POLR3B: variants seen among roughly 807,000 people sequenced by gnomAD.
POLR3B encodes RNA polymerase III subunit B, also known as DNA-directed RNA polymerase III subunit RPC2.
Under a neutral mutation model 147.4 loss-of-function variants are expected in POLR3B, and 96 were observed. The observed-to-expected ratio is 0.65, with a 90% CI of 0.55 to 0.77. The LOEUF is 0.77. Among genes scored for constraint, POLR3B ranks in the 30% least tolerant of loss-of-function variants. The pLI is 0.00. For synonymous variants in POLR3B, 461 were observed against 485.9 expected (o/e 0.95, Z 0.67); for missense variants, 1,036 against 1,413.5 (o/e 0.73, Z 4.28).
intron 19 of POLR3B, among the ~76,000 whole-genome samples, chr12:106,446,699 G>A (rs991586816): frequency 5.3e-5 from 8 of 152,084 alleles, no homozygotes; most frequent in South Asian, 4.1e-4. Context: ...ATCCTCTGAC[G>A]TTACTGCTGA....
chr12:106,481,024 T>C (rs1414138780), intron 23 of POLR3B, among the ~76,000 whole-genome samples: 2 of 152,164 alleles, frequency 1.3e-5, no homozygotes, highest in African/African-American at 4.8e-5. Context: ...GGGTGAGCCC[T>C]CTCTGGCTGA....
In POLR3B at chr12:106,369,620, C is replaced by T. The variant is rs773657828; in HGVS notation, c.341C>T (p.Thr114Ile). Reference protein sequence around the residue: ...LRDMTYSAPITVDIEYTRGSQ... With the variant: ...LRDMTYSAPIIVDIEYTRGSQ... ...GACATGACATACTCTGCCCCTATTA[C>T]AGTGGATATTGAATATACCCGAGGC... The change falls in exon 6 of 28, where the codon ACA (threonine) becomes ATA (isoleucine). Residue 114 changes from threonine to isoleucine, a missense_variant. Transcript: ENST00000228347. 6.2e-7 allele frequency: 1 copy of T among 1,612,884 alleles called. No individual in the cohort carries two copies. Among genetic ancestry groups the T allele is most frequent in the South Asian group, 1.1e-5 (1 of 91,068 alleles).
intron 7 of POLR3B, among the ~76,000 whole-genome samples, chr12:106,376,760 G>A (rs1416547115): frequency 2.6e-5 from 4 of 152,104 alleles, no homozygotes; most frequent in African/African-American, 7.2e-5. Context: ...TGGGACTACA[G>A]GCTTGTGCCA....
At chr12:106,443,901 T>C (rs556340867) in intron 18 of POLR3B, among the ~76,000 whole-genome samples, 2 of 152,086 alleles carry the variant, frequency 1.3e-5, no homozygotes, top group Non-Finnish European at 2.9e-5. Flanking sequence ...CTCAGCTCAC[T>C]GCAACCTCCG....
rs150685516 is a variant in POLR3B, at chr12:106,434,031, G to A, written c.1781+159G>A. 2.6e-5 allele frequency among the ~76,000 whole-genome samples: 4 copies of A among 152,238 alleles called. No individual in the cohort carries two copies. The East Asian group carries it at 7.7e-4, about 29-fold the overall frequency. On this transcript the variant is annotated intron_variant, in intron 16 of 27. Coordinates refer to ENST00000228347, the MANE Select transcript of POLR3B (RefSeq NM_018082.6). ...AACACTTCATGAATATGCATATTAG[G>A]TACCGAGGATTCAGATTAATGGGAG... is the stretch of plus-strand genomic sequence containing the variant.
intron 23 of POLR3B, among the ~76,000 whole-genome samples, chr12:106,470,345 A>ATTC (rs2038072897): frequency 6.6e-6 from 1 of 152,068 alleles, no homozygotes; most frequent in South Asian, 2.1e-4. Context: ...CTAGTTAGCC[A>ATTC]TTCATCTAAC....
At chr12:106,368,553 T>C (rs959399398) in intron 4 of POLR3B, among the ~76,000 whole-genome samples, 1 of 152,172 alleles carries the variant, frequency 6.6e-6, no homozygotes, top group African/African-American at 2.4e-5. Context: ...AATTTTTCAA[T>C]CCTAGACTAT....
At chr12:106,394,280 G>A (rs2036953544) in intron 10 of POLR3B, among the ~76,000 whole-genome samples, 1 of 152,170 alleles carries the variant, frequency 6.6e-6, no homozygotes, top group South Asian at 2.1e-4. Context: ...TGCAGTTACA[G>A]GGCAGGCAGC....
intron 23 of POLR3B, among the ~76,000 whole-genome samples, chr12:106,467,359 C>A (rs1286817478): frequency 1.3e-5 from 2 of 152,110 alleles, no homozygotes; most frequent in Non-Finnish European, 2.9e-5. Flanking sequence ...TGGGCTGAGA[C>A]GATGGGGTTT....
chr12:106,492,108 C>G (rs1362412217), intron 23 of POLR3B, among the ~76,000 whole-genome samples: 1 of 152,156 alleles, frequency 6.6e-6, no homozygotes, highest in African/African-American at 2.4e-5. Flanking sequence ...TTCCTGTCTT[C>G]ATATGCTACT....
chr12:106,364,999 G>A (rs1456519041), intron 2 of POLR3B, among the ~76,000 whole-genome samples: 1 of 152,162 alleles, frequency 6.6e-6, no homozygotes, highest in African/African-American at 2.4e-5. Context: ...GCTGGGTGTG[G>A]TGGCGGGCCC....
intron 16 of POLR3B, among the ~76,000 whole-genome samples, chr12:106,436,309 C>T (rs577059872): frequency 1.0e-3 from 152 of 152,308 alleles, no homozygotes; most frequent in African/African-American, 3.5e-3. Flanking sequence ...GCATGCCATC[C>T]TTTGTGTCCG....
chr12:106,358,172 G>C (rs1306115323), intron 1 of POLR3B: 1 of 1,437,576 alleles, frequency 7.0e-7, no homozygotes. Context: ...GCCGCTGCGG[G>C]GGCCGAGAAG....
chr12:106,401,579 C>G (rs1206501487), intron 10 of POLR3B, among the ~76,000 whole-genome samples: 1 of 152,154 alleles, frequency 6.6e-6, no homozygotes, highest in African/African-American at 2.4e-5. Context: ...TACTGGCAAA[C>G]CGAATCCAGC....
chr12:106,451,119 T>C (rs1005574722), intron 19 of POLR3B, among the ~76,000 whole-genome samples: 1 of 152,086 alleles, frequency 6.6e-6, no homozygotes, highest in Non-Finnish European at 1.5e-5. Flanking sequence ...AACTAATCTG[T>C]AACAATACAG....
chr12:106,501,353 C>T lies in POLR3B; in HGVS notation c.3015C>T (p.Gly1005=), dbSNP rs148438504. ...GEPLEAYIYF[G]PVYYQKLKHM... Reference sequence around the variant, plus strand: ...CCTTAGAAGCATACATCTATTTTGGCCCCGTGTACTATCAGAAGCTGAAAC... The same window carrying T: ...CCTTAGAAGCATACATCTATTTTGGTCCCGTGTACTATCAGAAGCTGAAAC... Residue 1005 remains glycine, a synonymous_variant, in exon 26 of 28, where the codon GGC becomes GGT. Transcript: ENST00000228347. The T allele has an allele frequency of 4.5e-5, 72 of 1,612,932 alleles. No individual in the cohort carries two copies. Among genetic ancestry groups the T allele is most frequent in the Non-Finnish European group, 5.7e-5 (67 of 1,179,002 alleles).
At chr12:106,507,323 C>T (rs1592785568) in intron 27 of POLR3B, among the ~76,000 whole-genome samples, 1 of 151,964 alleles carries the variant, frequency 6.6e-6, no homozygotes, top group African/African-American at 2.4e-5. Context: ...CACACATGCA[C>T]GTTGGAACAT....
intron 12 of POLR3B, among the ~76,000 whole-genome samples, chr12:106,412,864 T>C (rs2037247377): frequency 6.6e-6 from 1 of 152,190 alleles, no homozygotes; most frequent in Non-Finnish European, 1.5e-5. Context: ...TTTACTACTT[T>C]GATTTGCATT....
chr12:106,457,385 GA>G, intron 21 of POLR3B, 89 bp downstream of exon 21: 1 of 1,076,490 alleles, frequency 9.3e-7, no homozygotes, highest in Non-Finnish European at 1.4e-6. Context: ...AAAAAGGGCA[GA>G]AAAAAGTAAC....
Sources: gnomAD v4.1 joint callset for allele counts (sites outside exome capture counted in the v4.1 genomes callset) on GRCh38, gnomAD v4.1.1 for gene constraint, MANE v1.5 for transcripts, NCBI Gene and HGNC (gene_info 2026-07-23, HGNC 2026-07-21) for gene names.